Variants in TMEM35B observed in about 807,000 individuals in gnomAD.
The protein encoded by TMEM35B is ZMYM6 neighbor protein.
In TMEM35B, 6 loss-of-function variants were observed where a neutral mutation model predicts 8.7. The observed-to-expected ratio is 0.69, with a 90% CI of 0.38 to 1.36. TMEM35B has a LOEUF of 1.36. Ranked by LOEUF, TMEM35B falls within the 40% of genes most tolerant of loss-of-function variation. TMEM35B has a pLI of 0.02. For missense variants in TMEM35B, 176 were observed against 181.6 expected, an observed-to-expected ratio of 0.97 and a Z score of 0.18; for synonymous variants, 89 against 87.0, an observed-to-expected ratio of 1.02 and a Z score of -0.13.
rs746467827 is a variant in TMEM35B at position 34,981,914 on chromosome 1, A to G, written c.*30T>C. On this transcript the variant is annotated 3_prime_UTR_variant, in exon 3 of 3. Coordinates refer to ENST00000373337, the Ensembl canonical transcript of TMEM35B. ...TGTTCTACCATGTTCCTGCTGTGAC[A>G]GCTGCATGGCATAAAGAGACAGAGA... 3 of 1,491,542 alleles carry G rather than the reference A, an allele frequency of 2.0e-6. No individual in the cohort carries two copies. In the East Asian group the frequency reaches 7.5e-5, roughly 37 times the overall value. 92.4% of individuals were successfully genotyped at this position (1,491,542 alleles called of 1,614,324 possible). A position where few individuals can be genotyped will look rare whatever the true frequency, so the allele number is the denominator to read the frequency against.
At chr1:34,983,418 A>C (rs1374253558) in intron 2 of TMEM35B, among the ~76,000 whole-genome samples, 1 of 151,894 alleles carries the variant, frequency 6.6e-6, no homozygotes, top group Non-Finnish European at 1.5e-5. Flanking sequence ...CTCTACTAAA[A>C]ATACAAAAAA....
intron 2 of TMEM35B, among the ~76,000 whole-genome samples, chr1:34,982,563 G>A (rs538456108): frequency 1.3e-5 from 2 of 150,876 alleles, no homozygotes; most frequent in East Asian, 3.9e-4. Context: ...ACTGGGTTCT[G>A]GGTACTGGCT....
chr1:34,984,642 A>G (rs1210957582), intron 1 of TMEM35B, among the ~76,000 whole-genome samples: 1 of 152,204 alleles, frequency 6.6e-6, no homozygotes, highest in African/African-American at 2.4e-5. Flanking sequence ...GAAGGCTGAA[A>G]GACGACTTCA....
At chr1:34,985,297 G>A in exon 1 of TMEM35B, 2 of 1,532,352 alleles carry the variant, frequency 1.3e-6, no homozygotes, top group Non-Finnish European at 1.8e-6. Context: ...CCGAAAGCAG[G>A]AGCGCCATGG....
chr1:34,985,302 C>T (rs918563824), exon 1 of TMEM35B: 3 of 1,532,200 alleles, frequency 2.0e-6, no homozygotes, highest in East Asian at 2.6e-5. Context: ...AGCAGGAGCG[C>T]CATGGCCGCG....
At chr1:34,982,056 C>G in exon 3 of TMEM35B, 1 of 1,549,700 alleles carries the variant, frequency 6.5e-7, no homozygotes, top group Non-Finnish European at 8.7e-7. Flanking sequence ...GAACCCCAGG[C>G]AGACAATGGC....
intron 1 of TMEM35B, among the ~76,000 whole-genome samples, chr1:34,984,247 C>T (rs1236610628): frequency 6.6e-6 from 1 of 152,174 alleles, no homozygotes; most frequent in Non-Finnish European, 1.5e-5. Context: ...GGCTTGGCTC[C>T]CTAGTGCCAA....
intron 2 of TMEM35B, 144 bp from the exon 3 acceptor site, chr1:34,982,263 A>G (rs1640515124): frequency 1.1e-5 from 7 of 614,830 alleles, no homozygotes; most frequent in Non-Finnish European, 1.6e-5. Flanking sequence ...CATTCCCAAA[A>G]CTAGCGGCAT....
chr1:34,981,572 A>G (rs1352931508), exon 3 of TMEM35B: 1 of 153,890 alleles, frequency 6.5e-6, no homozygotes, highest in African/African-American at 2.4e-5. Flanking sequence ...AGGAGGAAAT[A>G]AAATAGGATA....
At chr1:34,985,221 A>G in exon 1 of TMEM35B, 1 of 1,540,422 alleles carries the variant, frequency 6.5e-7, no homozygotes, top group Non-Finnish European at 8.7e-7. Flanking sequence ...ACTGGAGCCG[A>G]GATCTCCTCC....
intron 1 of TMEM35B, among the ~76,000 whole-genome samples, chr1:34,984,689 C>T (rs954649803): frequency 2.0e-5 from 3 of 152,172 alleles, no homozygotes; most frequent in Non-Finnish European, 4.4e-5. Context: ...AGGCTTCCCT[C>T]TCTGGGTTCC....
exon 3 of TMEM35B, chr1:34,981,751 A>G (rs1640508951): frequency 2.6e-6 from 1 of 383,774 alleles, no homozygotes; most frequent in African/African-American, 2.1e-5. Context: ...GACATGAGGA[A>G]TGTTAATATG....
chr1:34,982,339 T>A (rs1297929613), intron 2 of TMEM35B, among the ~76,000 whole-genome samples: 1 of 151,792 alleles, frequency 6.6e-6, no homozygotes, highest in Admixed American at 6.6e-5. Context: ...ACAGCAGCAG[T>A]GGCAACAGTT....
intron 1 of TMEM35B, among the ~76,000 whole-genome samples, chr1:34,984,910 G>C (rs2148438901): frequency 6.6e-6 from 1 of 152,114 alleles, no homozygotes; most frequent in East Asian, 1.9e-4. Flanking sequence ...TCCTCCCCCA[G>C]GGTCCGGGGG....
exon 1 of TMEM35B, chr1:34,985,306 G>A (rs1209823698): frequency 3.9e-6 from 6 of 1,529,776 alleles, no homozygotes; most frequent in African/African-American, 2.8e-5. Context: ...GGAGCGCCAT[G>A]GCCGCGCTCC....
At chr1:34,981,890 G>A in exon 3 of TMEM35B, 2 of 1,443,366 alleles carry the variant, frequency 1.4e-6, no homozygotes, top group Non-Finnish European at 1.8e-6. Flanking sequence ...TAGACTCTGT[G>A]TTCTACCATG....
chr1:34,983,842 C>A, exon 2 of TMEM35B: 1 of 1,546,380 alleles, frequency 6.5e-7, no homozygotes. Flanking sequence ...AGCAACCCAG[C>A]CAGCAGTTCC....
At chr1:34,984,035 C>G (rs1569725681) in intron 1 of TMEM35B, 88 bp from the exon 2 acceptor site, 1 of 1,256,758 alleles carries the variant, frequency 8.0e-7, no homozygotes, top group South Asian at 2.3e-5. Flanking sequence ...TGCCTGTGCC[C>G]TCAACTTCCC....
Position 34,983,749 on chromosome 1 carries a change from G to T in TMEM35B, c.289+18C>A. On this transcript the variant is annotated intron_variant, in intron 2 of 2. Coordinates refer to ENST00000373337, the Ensembl canonical transcript of TMEM35B. ...CCCCCAGAAGACCCCATTTTCTCAG[G>T]CCAGTTGGCCCCCTTACCCATCATG... 1 of 1,479,052 alleles carries T rather than the reference G, an allele frequency of 6.8e-7. No individual in the cohort carries two copies. The highest frequency in any genetic ancestry group is 9.0e-7 in the Non-Finnish European group (1 of 1,106,556). 91.6% of individuals were successfully genotyped at this position (1,479,052 alleles called of 1,614,324 possible). A position where few individuals can be genotyped will look rare whatever the true frequency, so the allele number is the denominator to read the frequency against.
Sources: allele counts gnomAD v4.1 joint callset (sites outside exome capture counted in the v4.1 genomes callset), GRCh38; gene constraint gnomAD v4.1.1; transcripts MANE v1.5; gene names NCBI Gene and HGNC (gene_info 2026-07-23, HGNC 2026-07-21).